Variants in LBP observed in about 807,000 individuals in gnomAD.
The protein encoded by LBP is lipopolysaccharide-binding protein.
Under a neutral mutation model 56.6 loss-of-function variants are expected in LBP, and 53 were observed. The observed-to-expected ratio is 0.94, with a 90% CI of 0.75 to 1.18. LBP has a LOEUF of 1.18. LBP is among the 50% of genes most tolerant of loss of function. The pLI, the probability that LBP is intolerant of heterozygous loss-of-function variation, is 0.00. For missense variants in LBP, 601 were observed against 598.3 expected (o/e 1.00, Z -0.05); for synonymous variants, 227 against 247.5 (o/e 0.92, Z 0.78).
intron 3 of LBP, among the ~76,000 whole-genome samples, chr20:38,352,625 C>T (rs752321100): frequency 2.6e-5 from 4 of 152,136 alleles, no homozygotes; most frequent in African/African-American, 4.8e-5. Flanking sequence ...CGTAGTGGCG[C>T]ATGCCTGTAA....
intron 8 of LBP, among the ~76,000 whole-genome samples, chr20:38,365,730 A>AT: frequency 6.9e-6 from 1 of 144,438 alleles, no homozygotes; most frequent in Non-Finnish European, 1.5e-5. Flanking sequence ...ATATATATAT[A>AT]TATATATATA....
Position 38,366,797 on chromosome 20 carries a change from C to T in LBP, c.950C>T (p.Thr317Ile), listed in dbSNP as rs745763074. ...CCGCCTGACTCTAATATCCGACTGA[C>T]CACCAAGTCCTTCCGACCCTTCGTC... ...MIPPDSNIRL[T>I]TKSFRPFVPR... is the part of the protein sequence containing the mutation. Residue 317 changes from threonine to isoleucine, a missense_variant, in exon 9 of 15, where the codon ACC becomes ATC. Physicochemically the swap from Thr to Ile is moderately conservative, Grantham distance 89. Transcript: ENST00000217407. The T allele has an allele frequency of 6.2e-6, 10 of 1,613,984 alleles. No individual in the cohort carries two copies. The South Asian group carries it at 1.1e-4, about 18-fold the overall frequency.
intron 5 of LBP, 96 bp from the exon 6 acceptor site, chr20:38,360,608 G>C: frequency 2.6e-6 from 2 of 771,750 alleles, no homozygotes; most frequent in Non-Finnish European, 4.5e-6. Flanking sequence ...AGTGATCACT[G>C]AGCACATGTG....
chr20:38,356,999 G>A (rs1568829618), intron 5 of LBP, among the ~76,000 whole-genome samples: 1 of 152,146 alleles, frequency 6.6e-6, no homozygotes, highest in African/African-American at 2.4e-5. Flanking sequence ...GAGACCACAG[G>A]CACGTGCCAC....
intron 6 of LBP, among the ~76,000 whole-genome samples, chr20:38,362,053 CTTTTTTT>C (rs1229689650): frequency 1.7e-5 from 2 of 117,670 alleles, no homozygotes; most frequent in African/African-American, 6.3e-5. Context: ...TTTTTGTTTT[CTTTTTTT>C]TTTTTTTTTT....
chr20:38,362,366 A>G lies in LBP; in HGVS notation c.652+1599A>G, dbSNP rs533979834. Among the ~76,000 whole-genome samples, 154 of 142,614 alleles carry G rather than the reference A, an allele frequency of 1.1e-3. 2 individuals are homozygous for G. The South Asian group carries it at 0.022, about 21-fold the overall frequency. 93.6% of individuals were successfully genotyped at this position (142,614 alleles called of 152,430 possible). ...GAGAGCTCACGCCTGTAATCCCAAC[A>G]TTTAGGGAGGCCGAGGCGGGTGGAT... is the stretch of plus-strand genomic sequence containing the variant. On this transcript the variant is annotated intron_variant, in intron 6 of 14. Transcript: ENST00000217407.
At chr20:38,357,059 AT>A (rs1397351359) in intron 5 of LBP, among the ~76,000 whole-genome samples, 1 of 152,070 alleles carries the variant, frequency 6.6e-6, no homozygotes, top group Admixed American at 6.5e-5. Flanking sequence ...GTTTCACCAT[AT>A]TGGCCAGGCT....
rs758898519 is a variant in LBP, at chr20:38,346,563, T to G, written c.47T>G (p.Leu16Arg). The G allele has an allele frequency of 1.9e-6, 3 of 1,613,856 alleles. No homozygotes were observed. The highest frequency in any genetic ancestry group is 2.5e-6 in the Non-Finnish European group (3 of 1,179,998). Residue 16 changes from leucine to arginine, a missense_variant, in exon 1 of 15, where the codon CTG (leucine) becomes CGG (arginine). Coordinates refer to ENST00000217407, the MANE Select transcript of LBP (RefSeq NM_004139.5). The stretch of plus-strand genomic sequence containing the variant: ...CTGCCGTCCATACTGCTGGCATTGC[T>G]GCTTACGTCCACCCCAGAGGCTCTG... ...RALPSILLAL[L>R]LTSTPEALGA...
intron 10 of LBP, among the ~76,000 whole-genome samples, chr20:38,370,475 T>C (rs1037311122): frequency 2.6e-5 from 4 of 152,206 alleles, no homozygotes; most frequent in South Asian, 2.1e-4. Context: ...GGGTAGGTAC[T>C]CTATACCTTC....
chr20:38,353,512 C>G (rs996044835), intron 3 of LBP, among the ~76,000 whole-genome samples: 1 of 125,218 alleles, frequency 8.0e-6, no homozygotes, highest in African/African-American at 3.0e-5. Flanking sequence ...TTTTTTGCTA[C>G]TGCCTATGAT....
intron 2 of LBP, among the ~76,000 whole-genome samples, chr20:38,349,968 C>T (rs1347739676): frequency 3.3e-5 from 5 of 152,060 alleles, no homozygotes; most frequent in Non-Finnish European, 5.9e-5. Context: ...TCCAATCTGG[C>T]CACTAGATAT....
intron 5 of LBP, among the ~76,000 whole-genome samples, chr20:38,360,121 A>G (rs1011494862): frequency 1.3e-5 from 2 of 152,080 alleles, no homozygotes; most frequent in Non-Finnish European, 2.9e-5. Context: ...GCGTGGTGGC[A>G]CATGCCTGTG....
At chr20:38,360,958 T>C (rs1161782419) in intron 6 of LBP, among the ~76,000 whole-genome samples, 191 bp downstream of exon 6, 1 of 151,774 alleles carries the variant, frequency 6.6e-6, no homozygotes, top group Non-Finnish European at 1.5e-5. Flanking sequence ...AGGTCAGGAG[T>C]TCGAGACCAG....
At chr20:38,355,592 G>T in intron 5 of LBP, among the ~76,000 whole-genome samples, 183 bp downstream of exon 5, 1 of 152,290 alleles carries the variant, frequency 6.6e-6, no homozygotes. Context: ...TGGGGACAAA[G>T]CTCCAAGTCC....
At chr20:38,357,690 G>T (rs946154519) in intron 5 of LBP, among the ~76,000 whole-genome samples, 5 of 152,184 alleles carry the variant, frequency 3.3e-5, no homozygotes, top group African/African-American at 7.2e-5. Context: ...TACTCCACAG[G>T]CTAAGCAGCA....
chr20:38,359,817 C>T (rs989279523), intron 5 of LBP, among the ~76,000 whole-genome samples: 2 of 152,154 alleles, frequency 1.3e-5, no homozygotes, highest in African/African-American at 4.8e-5. Context: ...TGCACATTTC[C>T]TTCTCTTGAG....
chr20:38,365,874 A>G (rs762007287), intron 8 of LBP, among the ~76,000 whole-genome samples: 1 of 151,988 alleles, frequency 6.6e-6, no homozygotes, highest in Non-Finnish European at 1.5e-5. Flanking sequence ...TAATTTCTTT[A>G]ACATCTCAAA....
At chr20:38,372,374 G>A (rs2076903646) in intron 12 of LBP, among the ~76,000 whole-genome samples, 1 of 152,202 alleles carries the variant, frequency 6.6e-6, no homozygotes, top group African/African-American at 2.4e-5. Context: ...TCCTTTCAGA[G>A]AATAAAGGGT....
In LBP at chr20:38,363,988, T is replaced by C; in HGVS notation, c.666T>C (p.Ile222=). 6.2e-7 allele frequency: 1 copy of C among 1,613,320 alleles called. No homozygotes were observed. The highest frequency in any genetic ancestry group is 8.5e-7 in the Non-Finnish European group (1 of 1,179,288). ...CCTCATTCACAGTTACAACAGAGAT[T>C]GACAGTTTCGCCGACATTGATTATA... ...YLQTLPVTTE[I]DSFADIDYSL... The change falls in exon 7 of 15, where the codon ATT becomes ATC. Residue 222 remains isoleucine, a synonymous_variant. Coordinates refer to ENST00000217407, the MANE Select transcript of LBP (RefSeq NM_004139.5).
Sources: allele counts gnomAD v4.1 joint callset (sites outside exome capture counted in the v4.1 genomes callset), GRCh38; gene constraint gnomAD v4.1.1; transcripts MANE v1.5; gene names NCBI Gene and HGNC (gene_info 2026-07-23, HGNC 2026-07-21).